Variants in ERBB4 observed in about 807,000 individuals in gnomAD.
The protein encoded by ERBB4 is erb-b2 receptor tyrosine kinase 4.
A neutral mutation model predicts 158.0 loss-of-function variants in ERBB4; 42 were observed. That is an observed-to-expected ratio of 0.27 (90% CI 0.21 to 0.34). The LOEUF (loss-of-function observed/expected upper bound fraction) is 0.34. Among genes scored for constraint, ERBB4 ranks in the 10% least tolerant of loss-of-function variants. ERBB4 has a pLI of 1.00. For synonymous variants in ERBB4, 583 were observed against 558.7 expected (o/e 1.04, Z -0.61); for missense variants, 1,333 against 1,624.1 (o/e 0.82, Z 3.08).
At position 211,792,570 on chromosome 2, in the gene ERBB4, A is replaced by T. The variant is rs181648362; in HGVS notation, c.422-4411T>A. Among the ~76,000 whole-genome samples, 296 of 151,946 alleles carry T rather than the reference A, an allele frequency of 1.9e-3. 1 individual carries two copies. Among genetic ancestry groups the T allele is most frequent in the Middle Eastern group, 3.4e-3 (1 of 292 alleles). ...ATTAGTTACCAGGTAAATAATGACGATCTTTAGCTATCCCATACAGACCAA... is the reference window on the plus strand; with the variant it reads ...ATTAGTTACCAGGTAAATAATGACGTTCTTTAGCTATCCCATACAGACCAA... On this transcript the variant is annotated intron_variant, in intron 3 of 27. Transcript: ENST00000342788.
intron 1 of ERBB4, among the ~76,000 whole-genome samples, chr2:212,518,030 A>G (rs1421374551): frequency 1.3e-5 from 2 of 152,106 alleles, no homozygotes; most frequent in East Asian, 3.8e-4. Context: ...AGAAAACTCC[A>G]AAGTGTTATT....
intron 2 of ERBB4, among the ~76,000 whole-genome samples, chr2:211,995,654 G>A (rs2082184071): frequency 6.6e-6 from 1 of 152,178 alleles, no homozygotes; most frequent in Non-Finnish European, 1.5e-5. Flanking sequence ...AATGTGTCGT[G>A]CTTTTCATAG....
chr2:212,032,712 G>A (rs887807610), intron 2 of ERBB4, among the ~76,000 whole-genome samples: 8 of 151,946 alleles, frequency 5.3e-5, no homozygotes, highest in Admixed American at 3.9e-4. Context: ...TGGTGGGGGA[G>A]GGTGGTATTG....
At chr2:212,133,989 T>C (rs983453251) in intron 1 of ERBB4, among the ~76,000 whole-genome samples, 1 of 152,156 alleles carries the variant, frequency 6.6e-6, no homozygotes, top group Non-Finnish European at 1.5e-5. Flanking sequence ...TTAACTGTTA[T>C]GAGCACAACA....
At position 211,396,914 on chromosome 2, in the gene ERBB4, G is replaced by T. The variant is rs79979203; in HGVS notation, c.3136-8922C>A. 9.2e-3 allele frequency among the ~76,000 whole-genome samples: 1,408 copies of T among 152,268 alleles called. 23 individuals are homozygous for T. The highest frequency in any genetic ancestry group is 0.032 in the African/African-American group (1,319 of 41,558). On this transcript the variant is annotated intron_variant, in intron 25 of 27. Coordinates refer to ENST00000342788, the MANE Select transcript of ERBB4 (RefSeq NM_005235.3). ...GCACAGCTGTTGCCGTAAGTAAAAA[G>T]ATTTCTAACAGTCCACCTGGAATTA...
At chr2:212,108,509 C>G (rs2125534338) in intron 2 of ERBB4, among the ~76,000 whole-genome samples, 1 of 152,196 alleles carries the variant, frequency 6.6e-6, no homozygotes, top group Admixed American at 6.5e-5. Flanking sequence ...AGGGGTCATG[C>G]CAGTATTTTT....
At chr2:212,105,979 G>A (rs747080463) in intron 2 of ERBB4, among the ~76,000 whole-genome samples, 12 of 152,110 alleles carry the variant, frequency 7.9e-5, no homozygotes, top group Non-Finnish European at 1.3e-4. Context: ...AGCCTCCCCA[G>A]CCACATGGAA....
intron 25 of ERBB4, among the ~76,000 whole-genome samples, chr2:211,405,686 C>T (rs778543527): frequency 4.3e-4 from 66 of 152,036 alleles, no homozygotes; most frequent in Non-Finnish European, 6.2e-4. Context: ...CAATTTTATT[C>T]GGCTCTTCAC....
intron 2 of ERBB4, among the ~76,000 whole-genome samples, chr2:212,080,179 G>A (rs2078393829): frequency 1.3e-5 from 2 of 151,804 alleles, no homozygotes. Context: ...GGGTGTGGTG[G>A]TGCGTGCCTG....
intron 3 of ERBB4, among the ~76,000 whole-genome samples, chr2:211,798,737 G>A (rs1296818233): frequency 1.3e-5 from 2 of 152,046 alleles, no homozygotes; most frequent in African/African-American, 4.8e-5. Context: ...TAAGTTTGGT[G>A]CCTAGCATAA....
intron 1 of ERBB4, among the ~76,000 whole-genome samples, chr2:212,403,988 G>GTTT (rs751262311): frequency 2.0e-4 from 31 of 151,954 alleles, no homozygotes; most frequent in Admixed American, 3.9e-4. Context: ...AAGAAGGCAG[G>GTTT]TAAAGGCATT....
chr2:212,530,553 A>G (rs941196825), intron 1 of ERBB4, among the ~76,000 whole-genome samples: 1 of 152,112 alleles, frequency 6.6e-6, no homozygotes, highest in Non-Finnish European at 1.5e-5. Flanking sequence ...CCCATCCTGA[A>G]ATAGAAGACT....
intron 15 of ERBB4, 84 bp downstream of exon 15, chr2:211,665,239 A>G (rs942306160): frequency 1.1e-5 from 14 of 1,319,094 alleles, no homozygotes; most frequent in African/African-American, 1.4e-5. Context: ...TGAGAATGGT[A>G]TACATTTCAG....
intron 15 of ERBB4, among the ~76,000 whole-genome samples, chr2:211,658,779 G>A (rs2071313868): frequency 6.6e-6 from 1 of 152,108 alleles, no homozygotes; most frequent in South Asian, 2.1e-4. Context: ...AATACAGTGA[G>A]ACTAACATTT....
At chr2:211,576,144 C>G (rs1055651996) in intron 19 of ERBB4, among the ~76,000 whole-genome samples, 4 of 152,046 alleles carry the variant, frequency 2.6e-5, no homozygotes, top group Non-Finnish European at 4.4e-5. Context: ...ACCACCCACT[C>G]AGGCAAAAGG....
At chr2:211,641,433 A>T (rs564034757) in intron 16 of ERBB4, among the ~76,000 whole-genome samples, 13 of 152,246 alleles carry the variant, frequency 8.5e-5, no homozygotes, top group South Asian at 2.1e-4. Flanking sequence ...TATTTAATAC[A>T]TTTAAAAAAC....
At chr2:212,038,588 G>T (rs561457370) in intron 2 of ERBB4, among the ~76,000 whole-genome samples, 1 of 151,980 alleles carries the variant, frequency 6.6e-6, no homozygotes, top group Non-Finnish European at 1.5e-5. Context: ...TGAGTTACTC[G>T]TTGATTCTTT....
chr2:211,465,897 A>T (rs2064673617), intron 20 of ERBB4, among the ~76,000 whole-genome samples: 1 of 152,148 alleles, frequency 6.6e-6, no homozygotes, highest in South Asian at 2.1e-4. Flanking sequence ...TTGCACTTTG[A>T]TGAATAAGTC....
intron 16 of ERBB4, among the ~76,000 whole-genome samples, chr2:211,631,702 T>C (rs1411952792): frequency 6.6e-6 from 1 of 152,144 alleles, no homozygotes; most frequent in Non-Finnish European, 1.5e-5. Flanking sequence ...TTCTTAATCA[T>C]ATGAATTTTG....
Sources: gnomAD v4.1 joint callset for allele counts (sites outside exome capture counted in the v4.1 genomes callset) on GRCh38, gnomAD v4.1.1 for gene constraint, MANE v1.5 for transcripts, NCBI Gene and HGNC (gene_info 2026-07-23, HGNC 2026-07-21) for gene names.